CHST9: variants seen among roughly 807,000 people sequenced by gnomAD.
CHST9 encodes GalNAc-4-sulfotransferase 2.
CHST9 carries 41 observed loss-of-function variants against 44.4 expected under a neutral mutation model. That is an observed-to-expected ratio of 0.92 (90% CI 0.72 to 1.20). The LOEUF (loss-of-function observed/expected upper bound fraction) is 1.20. CHST9 is among the 50% of genes most tolerant of loss of function. CHST9 has a pLI of 0.00. For synonymous variants in CHST9, 171 were observed against 178.4 expected, an observed-to-expected ratio of 0.96 and a Z score of 0.33; for missense variants, 504 against 516.5, an observed-to-expected ratio of 0.98 and a Z score of 0.23.
intron 4 of CHST9, among the ~76,000 whole-genome samples, chr18:26,998,524 G>C (rs554822608): frequency 6.6e-6 from 1 of 152,176 alleles, no homozygotes; most frequent in East Asian, 1.9e-4. Context: ...TCAAGAGTTC[G>C]AGAGCAGCCT....
chr18:26,998,144 A>G (rs181039307), intron 4 of CHST9, among the ~76,000 whole-genome samples: 14 of 152,244 alleles, frequency 9.2e-5, no homozygotes, highest in Admixed American at 7.9e-4. Context: ...ATGGGCATGG[A>G]GCTCTTCCAC....
intron 5 of CHST9, chr18:26,936,817 C>T (rs1228194476): frequency 2.0e-5 from 3 of 152,066 alleles, no homozygotes; most frequent in Non-Finnish European, 4.4e-5. Context: ...TTTCACCAGC[C>T]TATTGGGTGT....
intron 2 of CHST9, among the ~76,000 whole-genome samples, chr18:27,065,307 A>T (rs1290022956): frequency 6.6e-6 from 1 of 152,236 alleles, no homozygotes; most frequent in Non-Finnish European, 1.5e-5. Context: ...AATCTTTTAT[A>T]ACCACTGTGT....
chr18:27,153,544 C>CTTTGTGTG (rs748908317), intron 1 of CHST9, among the ~76,000 whole-genome samples: 2,810 of 95,408 alleles, frequency 0.029, 45 homozygotes, highest in Middle Eastern at 0.097. Flanking sequence ...CTCTCTCTCT[C>CTTTGTGTG]TCTGTGTGTG....
At chr18:27,117,836 G>T (rs1020298738) in intron 2 of CHST9, among the ~76,000 whole-genome samples, 3 of 152,136 alleles carry the variant, frequency 2.0e-5, no homozygotes, top group African/African-American at 7.2e-5. Context: ...TGATAATTAT[G>T]AATAAAGCTG....
intron 2 of CHST9, among the ~76,000 whole-genome samples, chr18:27,067,453 AAAATAAAT>A (rs765147148): frequency 2.0e-5 from 3 of 152,024 alleles, no homozygotes; most frequent in Admixed American, 6.6e-5. Context: ...AGAAAAAAGT[AAAATAAAT>A]AAATAAATAA....
intron 4 of CHST9, among the ~76,000 whole-genome samples, chr18:26,993,508 C>G (rs2056849184): frequency 6.6e-6 from 1 of 152,116 alleles, no homozygotes; most frequent in Admixed American, 6.5e-5. Context: ...GCCAAGATTT[C>G]TGTCAAGCCA....
At chr18:26,927,842 G>A (rs1016011640) in intron 5 of CHST9, among the ~76,000 whole-genome samples, 3 of 152,068 alleles carry the variant, frequency 2.0e-5, no homozygotes, top group Admixed American at 6.6e-5. Flanking sequence ...GCTGGGGGAC[G>A]ATCAGGTCTT....
At chr18:26,927,572 T>C (rs961600759) in intron 5 of CHST9, among the ~76,000 whole-genome samples, 6 of 152,126 alleles carry the variant, frequency 3.9e-5, no homozygotes, top group Admixed American at 6.5e-5. Context: ...AAAAAGGTGC[T>C]GTGCTTTGAT....
intron 4 of CHST9, among the ~76,000 whole-genome samples, chr18:26,987,922 A>C (rs2056773125): frequency 6.6e-6 from 1 of 152,190 alleles, no homozygotes; most frequent in Non-Finnish European, 1.5e-5. Flanking sequence ...AGCCTCTAGA[A>C]CTGTGAGAAA....
chr18:26,920,898 C>T (rs759754991), intron 5 of CHST9, among the ~76,000 whole-genome samples: 4 of 152,178 alleles, frequency 2.6e-5, no homozygotes, highest in African/African-American at 2.4e-5. Context: ...AGTCACTCAA[C>T]GCTGTCTCCA....
chr18:26,950,796 C>T (rs2056235820), intron 4 of CHST9, among the ~76,000 whole-genome samples: 1 of 152,072 alleles, frequency 6.6e-6, no homozygotes. Context: ...GATGAGTGCA[C>T]CAAAATCTCA....
chr18:27,155,388 A>T (rs772066249), intron 1 of CHST9, among the ~76,000 whole-genome samples: 3 of 152,212 alleles, frequency 2.0e-5, no homozygotes, highest in Non-Finnish European at 4.4e-5. Context: ...TATTCTTTCC[A>T]TTCATGCCAA....
intron 4 of CHST9, among the ~76,000 whole-genome samples, chr18:26,953,079 G>C (rs1024384876): frequency 1.3e-5 from 2 of 152,140 alleles, no homozygotes; most frequent in Non-Finnish European, 2.9e-5. Flanking sequence ...TTCACTTCTT[G>C]GAGTTCAAGA....
intron 3 of CHST9, among the ~76,000 whole-genome samples, chr18:27,028,205 T>G (rs1350633514): frequency 6.6e-6 from 1 of 152,288 alleles, no homozygotes; most frequent in African/African-American, 2.4e-5. Context: ...TGAGCCACCA[T>G]GCTCGGCCTA....
chr18:27,123,955 G>C (rs1257070125), intron 2 of CHST9, among the ~76,000 whole-genome samples: 1 of 152,212 alleles, frequency 6.6e-6, no homozygotes, highest in Non-Finnish European at 1.5e-5. Context: ...TATTTGGAGA[G>C]TACAAATGCG....
chr18:27,053,218 G>GGAAGAA (rs1198842599), intron 2 of CHST9, among the ~76,000 whole-genome samples: 1,347 of 32,338 alleles, frequency 0.042, 125 homozygotes, highest in East Asian at 0.069. Flanking sequence ...AGGAGGAAGA[G>GGAAGAA]GAAGAAGAAG....
intron 2 of CHST9, among the ~76,000 whole-genome samples, chr18:27,056,008 G>A (rs1156359029): frequency 1.3e-5 from 2 of 151,826 alleles, no homozygotes; most frequent in Non-Finnish European, 2.9e-5. Context: ...TATATAATCA[G>A]TCTCTAGGTT....
intron 2 of CHST9, among the ~76,000 whole-genome samples, chr18:27,132,056 G>A (rs1365300325): frequency 2.6e-5 from 4 of 152,116 alleles, no homozygotes; most frequent in African/African-American, 9.7e-5. Context: ...CTGCCTTGGG[G>A]CCACTTACTA....
Sources: allele counts gnomAD v4.1 joint callset (sites outside exome capture counted in the v4.1 genomes callset), GRCh38; gene constraint gnomAD v4.1.1; transcripts MANE v1.5; gene names NCBI Gene and HGNC (gene_info 2026-07-23, HGNC 2026-07-21).